The following CYP27A1 variants were observed in gnomAD, a reference collection of about 807,000 sequenced individuals.
CYP27A1 encodes sterol 26-hydroxylase, mitochondrial.
CYP27A1 carries 46 observed loss-of-function variants against 58.2 expected under a neutral mutation model. The ratio of observed to expected loss-of-function variants is 0.79; its 90% CI spans 0.62 to 1.01. CYP27A1 has a LOEUF of 1.01. Ranked by LOEUF, CYP27A1 falls within the 50% of genes least tolerant of loss-of-function variation. The pLI is 0.00. For missense variants in CYP27A1, 704 were observed against 687.0 expected, an observed-to-expected ratio of 1.02 and a Z score of -0.28; for synonymous variants, 274 against 285.1, an observed-to-expected ratio of 0.96 and a Z score of 0.39.
intron 1 of CYP27A1, among the ~76,000 whole-genome samples, chr2:218,808,762 A>AT (rs1943676087): frequency 6.6e-6 from 1 of 152,204 alleles, no homozygotes; most frequent in South Asian, 2.1e-4. Flanking sequence ...GTTATTTTAA[A>AT]TTTTTACCCC....
Position 218,812,290 on chromosome 2 carries a change from C to A in CYP27A1, c.515C>A (p.Ala172Glu), listed in dbSNP as rs200753815. ...CGGTTGCTGAAGCCAGCGGAAGCAG[C>A]GCTCTATACGGATGCTTTCAATGAG... ...NQRLLKPAEA[A>E]LYTDAFNEVI... Residue 172 changes from alanine (A) to glutamate (E), a missense_variant, in exon 3 of 9, where the codon GCG becomes GAG. Transcript: ENST00000258415. 13 of 1,614,066 alleles carry A rather than the reference C, an allele frequency of 8.1e-6. No individual in the cohort carries two copies. In the South Asian group the frequency reaches 8.8e-5, roughly 11 times the overall value.
chr2:218,798,970 C>T (rs1262522143), intron 1 of CYP27A1, among the ~76,000 whole-genome samples: 7 of 152,154 alleles, frequency 4.6e-5, no homozygotes, highest in Non-Finnish European at 8.8e-5. Context: ...GTAGGTGGGC[C>T]TTGTTCAAGC....
At chr2:218,790,728 C>T (rs1943484346) in intron 1 of CYP27A1, among the ~76,000 whole-genome samples, 4 of 151,078 alleles carry the variant, frequency 2.6e-5, no homozygotes, top group South Asian at 4.2e-4. Flanking sequence ...GATGGAGTCT[C>T]GCTCTGTTGC....
chr2:218,799,030 T>C (rs1943574427), intron 1 of CYP27A1, among the ~76,000 whole-genome samples: 1 of 152,178 alleles, frequency 6.6e-6, no homozygotes, highest in African/African-American at 2.4e-5. Context: ...GGGGAATGAA[T>C]CTGCCTCCAG....
At chr2:218,812,134 G>C (rs767081775) in intron 2 of CYP27A1, 88 bp from the exon 3 acceptor site, 5 of 936,588 alleles carry the variant, frequency 5.3e-6, no homozygotes, top group Middle Eastern at 2.4e-4. Context: ...CTGGATGGAG[G>C]GGGTGGTGGA....
intron 1 of CYP27A1, among the ~76,000 whole-genome samples, chr2:218,802,317 A>C (rs1943607822): frequency 8.0e-6 from 1 of 125,662 alleles, no homozygotes; most frequent in South Asian, 2.4e-4. Context: ...CTTGCTGAGA[A>C]TTAAAAAGAA....
In CYP27A1 at chr2:218,791,971, G is replaced by A. The variant is rs145371007; in HGVS notation, c.255+9534G>A. 5.5e-3 allele frequency among the ~76,000 whole-genome samples: 833 copies of A among 152,152 alleles called. 3 individuals carry two copies. Among genetic ancestry groups the A allele is most frequent in the Non-Finnish European group, 7.2e-3 (487 of 68,006 alleles). The stretch of plus-strand genomic sequence containing the variant: ...ATGTTTAAATGTCCCATCAGCTAGC[G>A]AAATGTACCTGAAATTTTTATTGTC... On this transcript the variant is annotated intron_variant, in intron 1 of 8. Transcript: ENST00000258415.
In CYP27A1 at chr2:218,782,930, G is replaced by A. The variant is rs1177545770; in HGVS notation, c.255+493G>A. ...CTCAGATCGTGGAAGCAAACTCACA[G>A]ACAGTAAGGAAAAGGTACTTTTTGT... is the stretch of plus-strand genomic sequence containing the variant. On this transcript the variant is annotated intron_variant, in intron 1 of 8. Coordinates refer to ENST00000258415, the MANE Select transcript of CYP27A1 (RefSeq NM_000784.4). The surrounding 1 kb of genome is among the most constrained non-coding windows in gnomAD (Gnocchi z 4.1). 8.5e-5 allele frequency among the ~76,000 whole-genome samples: 13 copies of A among 152,144 alleles called. No individual in the cohort carries two copies.
At chr2:218,796,960 C>T (rs188221605) in intron 1 of CYP27A1, among the ~76,000 whole-genome samples, 39 of 152,214 alleles carry the variant, frequency 2.6e-4, no homozygotes, top group African/African-American at 8.2e-4. Flanking sequence ...TACTATAAAC[C>T]GTCTTTCGAA....
chr2:218,803,888 A>C (rs1943624696), intron 1 of CYP27A1, among the ~76,000 whole-genome samples: 1 of 151,204 alleles, frequency 6.6e-6, no homozygotes, highest in Admixed American at 6.6e-5. Flanking sequence ...ATGCGCCACC[A>C]CACCTGCCTA....
chr2:218,789,223 T>C (rs994812940), intron 1 of CYP27A1, among the ~76,000 whole-genome samples: 2 of 152,208 alleles, frequency 1.3e-5, no homozygotes, highest in South Asian at 4.1e-4. Flanking sequence ...GGTACATCCA[T>C]ATGATGAAAT....
At chr2:218,788,425 C>T (rs572457209) in intron 1 of CYP27A1, among the ~76,000 whole-genome samples, 4 of 152,214 alleles carry the variant, frequency 2.6e-5, no homozygotes, top group Non-Finnish European at 5.9e-5. Flanking sequence ...TTCCACTCAT[C>T]AAAGCAGTTA....
rs1341500276 is a variant in CYP27A1, at chr2:218,814,311, G to C, written c.1185-69G>C. 3.1e-6 allele frequency: 5 copies of C among 1,598,190 alleles called. No individual in the cohort carries two copies. In the Admixed American group the frequency reaches 8.3e-5, roughly 27 times the overall value. The stretch of plus-strand genomic sequence containing the variant: ...ACAAGGATGAGATGGGAGAGGTAGG[G>C]GAGAAGGAGTGGGGCACTTTGTACC... On this transcript the variant is annotated intron_variant, in intron 6 of 8. Coordinates refer to ENST00000258415, the MANE Select transcript of CYP27A1 (RefSeq NM_000784.4).
At chr2:218,810,874 G>T (rs1255959380) in intron 2 of CYP27A1, among the ~76,000 whole-genome samples, 1 of 152,174 alleles carries the variant, frequency 6.6e-6, no homozygotes, top group East Asian at 1.9e-4. Context: ...TTGACTGGGT[G>T]CGGTGGCTCA....
At chr2:218,806,488 A>G (rs1943653209) in intron 1 of CYP27A1, among the ~76,000 whole-genome samples, 1 of 152,280 alleles carries the variant, frequency 6.6e-6, no homozygotes, top group Non-Finnish European at 1.5e-5. Flanking sequence ...ACTGTCGGCT[A>G]CAACATAGAA....
At chr2:218,798,026 A>T (rs1018782947) in intron 1 of CYP27A1, among the ~76,000 whole-genome samples, 14 of 151,132 alleles carry the variant, frequency 9.3e-5, no homozygotes, top group African/African-American at 3.5e-4. Context: ...TTTTTGAGAC[A>T]GAGTCTCGCC....
chr2:218,785,244 G>A (rs1943430685), intron 1 of CYP27A1, among the ~76,000 whole-genome samples: 1 of 152,122 alleles, frequency 6.6e-6, no homozygotes, highest in African/African-American at 2.4e-5. Flanking sequence ...TCTAATGCCA[G>A]CACTGATCTG....
chr2:218,793,383 T>C (rs751949439), intron 1 of CYP27A1, among the ~76,000 whole-genome samples: 29 of 152,316 alleles, frequency 1.9e-4, no homozygotes, highest in Admixed American at 3.3e-4. Flanking sequence ...GCCTAAAAGA[T>C]ACTTAAAAAC....
chr2:218,789,003 T>C (rs1238987254), intron 1 of CYP27A1, among the ~76,000 whole-genome samples: 2 of 152,164 alleles, frequency 1.3e-5, no homozygotes, highest in East Asian at 3.9e-4. Context: ...GAGATGGGAA[T>C]ATGAAACTAA....
Sources: allele counts gnomAD v4.1 joint callset (sites outside exome capture counted in the v4.1 genomes callset), GRCh38; gene constraint gnomAD v4.1.1; non-coding constraint Gnocchi (gnomAD v3.1); transcripts MANE v1.5; gene names NCBI Gene and HGNC (gene_info 2026-07-23, HGNC 2026-07-21).